Variants in FOLH1 observed in about 807,000 individuals in gnomAD.
FOLH1 encodes folate hydrolase 1, also known as glutamate carboxypeptidase 2.
FOLH1 carries 54 observed loss-of-function variants against 93.9 expected under a neutral mutation model. That is an observed-to-expected ratio of 0.57 (90% CI 0.46 to 0.72). The LOEUF (loss-of-function observed/expected upper bound fraction) is 0.72, where lower values mean the gene tolerates loss of function less well. Ranked by LOEUF, FOLH1 falls within the 30% of genes least tolerant of loss-of-function variation. The pLI is 0.00. For synonymous variants in FOLH1, 249 were observed against 303.6 expected, an observed-to-expected ratio of 0.82 and a Z score of 1.87; for missense variants, 571 against 892.5, an observed-to-expected ratio of 0.64 and a Z score of 4.59.
chr11:49,166,677 A>G (rs1858449274), intron 12 of FOLH1, among the ~76,000 whole-genome samples: 1 of 152,206 alleles, frequency 6.6e-6, no homozygotes, highest in Non-Finnish European at 1.5e-5. Flanking sequence ...AAATTTCAGA[A>G]TCTATGATTA....
At chr11:49,207,988 A>C (rs1195842872) in intron 1 of FOLH1, 8 of 592,662 alleles carry the variant, frequency 1.3e-5, no homozygotes, top group South Asian at 6.7e-5. Context: ...CAAAAAAAAA[A>C]CTTCCTCTGT....
chr11:49,169,709 G>T (rs573296228), intron 11 of FOLH1, among the ~76,000 whole-genome samples: 14 of 152,262 alleles, frequency 9.2e-5, no homozygotes, highest in Non-Finnish European at 1.8e-4. Context: ...TTCATGTTAC[G>T]AAAAATAAGT....
rs947380424 is a variant in FOLH1, at chr11:49,208,283, C to G, written c.118+9G>C. Reference sequence around the variant, plus strand: ...ACTCCGAGGTTTGCTCCGCGAGGCGCCCCCCTACCGAAGAGGAAGCCGAGG... The same window carrying G: ...ACTCCGAGGTTTGCTCCGCGAGGCGGCCCCCTACCGAAGAGGAAGCCGAGG... On this transcript the variant is annotated intron_variant, in intron 1 of 18. Coordinates refer to ENST00000256999, the MANE Select transcript of FOLH1 (RefSeq NM_004476.3). 1.3e-6 allele frequency: 2 copies of G among 1,532,006 alleles called. No individual in the cohort carries two copies. The highest frequency in any genetic ancestry group is 2.4e-5 in the East Asian group (1 of 41,654). 94.9% of individuals were successfully genotyped at this position (1,532,006 alleles called of 1,614,324 possible). A position where few individuals can be genotyped will look rare whatever the true frequency, so the allele number is the denominator to read the frequency against.
chr11:49,147,381 C>T (rs1230947423), intron 18 of FOLH1, among the ~76,000 whole-genome samples: 1 of 151,984 alleles, frequency 6.6e-6, no homozygotes, highest in Non-Finnish European at 1.5e-5. Flanking sequence ...TCATGCTACC[C>T]CCTATATTAT....
intron 7 of FOLH1, among the ~76,000 whole-genome samples, chr11:49,181,848 C>G (rs1419927846): frequency 6.6e-6 from 1 of 152,072 alleles, no homozygotes; most frequent in Non-Finnish European, 1.5e-5. Context: ...GTCCTACTCC[C>G]CAGACGTCAG....
chr11:49,204,609 T>G (rs1420074955), intron 2 of FOLH1, among the ~76,000 whole-genome samples: 1 of 152,164 alleles, frequency 6.6e-6, no homozygotes, highest in Non-Finnish European at 1.5e-5. Context: ...ATAAAGAAGT[T>G]CGAGCTTCAG....
intron 9 of FOLH1, among the ~76,000 whole-genome samples, chr11:49,173,844 A>C (rs1859673301): frequency 6.6e-6 from 1 of 152,146 alleles, no homozygotes; most frequent in Non-Finnish European, 1.5e-5. Context: ...CCACATAGGA[A>C]GTTCTCCAAT....
chr11:49,184,937 A>G (rs117457497), intron 6 of FOLH1, among the ~76,000 whole-genome samples: 5,111 of 152,290 alleles, frequency 0.034, 124 homozygotes, highest in Non-Finnish European at 0.051. Context: ...CCAACTGCCC[A>G]TTCAGAGGAG....
chr11:49,171,784 G>A (rs540258465), intron 10 of FOLH1, among the ~76,000 whole-genome samples: 2 of 151,944 alleles, frequency 1.3e-5, no homozygotes, highest in South Asian at 4.2e-4. Flanking sequence ...GTTTGCTGTT[G>A]CTGAAAACCA....
intron 6 of FOLH1, among the ~76,000 whole-genome samples, chr11:49,184,583 TC>T (rs1861160861): frequency 6.6e-6 from 1 of 152,134 alleles, no homozygotes; most frequent in African/African-American, 2.4e-5. Context: ...GTAATATGTG[TC>T]ATTTTTTAAA....
rs1306744086 is a variant in FOLH1 at position 49,208,298 on chromosome 11, G to C, written c.112C>G (p.Leu38Val). 6.4e-7 allele frequency: 1 copy of C among 1,560,272 alleles called. No homozygotes were observed. The highest frequency in any genetic ancestry group is 1.2e-5 in the South Asian group (1 of 85,778). ...CCGCGAGGCGCCCCCCTACCGAAGA[G>C]GAAGCCGAGGAGAAAGAAGCCACCC... The part of the protein sequence containing the change: ...LAGGFFLLGF[L>V]FGWFIKSSNE... The change falls in exon 1 of 19, where the codon CTC becomes GTC. Residue 38 changes from leucine (L) to valine (V), a missense_variant. Around this residue, in one of 2 missense-constraint regions of FOLH1, gnomAD observed 71 missense variants for 69.6 expected, o/e 1.02. Coordinates refer to ENST00000256999, the MANE Select transcript of FOLH1 (RefSeq NM_004476.3).
intron 2 of FOLH1, among the ~76,000 whole-genome samples, chr11:49,204,561 G>A (rs557273035): frequency 5.3e-5 from 8 of 152,248 alleles, no homozygotes; most frequent in African/African-American, 1.9e-4. Flanking sequence ...TATTAGAGTG[G>A]AATAAGCACA....
chr11:49,147,436 C>T (rs554255839), intron 18 of FOLH1, among the ~76,000 whole-genome samples: 1 of 94,642 alleles, frequency 1.1e-5, no homozygotes, highest in Admixed American at 1.3e-4. Context: ...TCAGCCAACC[C>T]TCTATTGTGG....
At chr11:49,156,306 C>G (rs1343228244) in intron 15 of FOLH1, among the ~76,000 whole-genome samples, 2 of 151,916 alleles carry the variant, frequency 1.3e-5, no homozygotes, top group African/African-American at 4.8e-5. Flanking sequence ...ATTGGAGATA[C>G]AGTAAGAGAT....
intron 17 of FOLH1, among the ~76,000 whole-genome samples, chr11:49,152,664 A>C (rs1856616190): frequency 6.6e-6 from 1 of 152,126 alleles, no homozygotes; most frequent in East Asian, 1.9e-4. Context: ...TTTTCAAAAA[A>C]TATTTTTATA....
chr11:49,172,938 G>A (rs1859523500), intron 10 of FOLH1, among the ~76,000 whole-genome samples: 1 of 152,162 alleles, frequency 6.6e-6, no homozygotes, highest in African/African-American at 2.4e-5. Context: ...TCTCTGAATA[G>A]AGCATCTATC....
chr11:49,164,537 CTG>C (rs1480268405), intron 13 of FOLH1, among the ~76,000 whole-genome samples, 166 bp downstream of exon 13: 2 of 152,044 alleles, frequency 1.3e-5, no homozygotes, highest in African/African-American at 4.8e-5. Flanking sequence ...ATGAGGCAAT[CTG>C]TGTAAACAGT....
At chr11:49,148,829 G>C (rs1856079859) in intron 17 of FOLH1, 98 bp from the exon 18 acceptor site, 1 of 1,092,978 alleles carries the variant, frequency 9.1e-7, no homozygotes, top group Non-Finnish European at 1.2e-6. Context: ...TTATCTCCGG[G>C]GATTGGTTTC....
chr11:49,176,444 G>A (rs1362191762), intron 7 of FOLH1, among the ~76,000 whole-genome samples: 10 of 152,112 alleles, frequency 6.6e-5, no homozygotes, highest in Non-Finnish European at 1.3e-4. Context: ...AAAGCTTCAC[G>A]CTATTTTTTA....
Sources: gnomAD v4.1 joint callset for allele counts (sites outside exome capture counted in the v4.1 genomes callset) on GRCh38, gnomAD v4.1.1 for gene constraint, gnomAD v4.1.1 regional missense constraint, MANE v1.5 for transcripts, NCBI Gene and HGNC (gene_info 2026-07-23, HGNC 2026-07-21) for gene names.